The following SNX4 variants were observed in gnomAD, a reference collection of about 807,000 sequenced individuals.
SNX4 encodes sorting nexin 4, also known as sorting nexin-4.
SNX4 carries 49 observed loss-of-function variants against 70.8 expected under a neutral mutation model. The ratio of observed to expected loss-of-function variants is 0.69; its 90% CI spans 0.55 to 0.88. The LOEUF (loss-of-function observed/expected upper bound fraction) is 0.88, where lower values mean the gene tolerates loss of function less well. Ranked by LOEUF, SNX4 falls within the 40% of genes least tolerant of loss-of-function variation. The probability of loss-of-function intolerance (pLI) is 0.00; values close to 1 mark genes in which losing one functional copy is unlikely to be tolerated. For missense variants in SNX4, 528 were observed against 544.8 expected (o/e 0.97, Z 0.31); for synonymous variants, 206 against 183.8 (o/e 1.12, Z -0.98).
chr3:125,471,408 TAAAAA>T (rs1934171688), intron 8 of SNX4, among the ~76,000 whole-genome samples: 2 of 130,444 alleles, frequency 1.5e-5, no homozygotes, highest in Admixed American at 7.7e-5. Context: ...ATTAAAAAAT[TAAAAA>T]TTATAGAATT....
At chr3:125,475,039 A>T (rs926509493) in intron 8 of SNX4, among the ~76,000 whole-genome samples, 55 of 152,156 alleles carry the variant, frequency 3.6e-4, no homozygotes, top group African/African-American at 1.3e-3. Flanking sequence ...TTCCCATTAT[A>T]CTATTCTTTT....
chr3:125,476,939 A>G (rs1030713057), intron 7 of SNX4, among the ~76,000 whole-genome samples, 183 bp from the exon 8 acceptor site: 6 of 152,218 alleles, frequency 3.9e-5, no homozygotes, highest in Admixed American at 6.5e-5. Context: ...CATATTTATC[A>G]TATCTTATAC....
intron 10 of SNX4, among the ~76,000 whole-genome samples, chr3:125,458,224 G>A (rs1559809678): frequency 1.3e-5 from 2 of 149,626 alleles, no homozygotes; most frequent in South Asian, 2.1e-4. Context: ...CCAGGCTGGA[G>A]GGCAATGGTG....
At chr3:125,508,381 C>T (rs571050284) in intron 1 of SNX4, among the ~76,000 whole-genome samples, 174 of 152,192 alleles carry the variant, frequency 1.1e-3, no homozygotes, top group African/African-American at 4.1e-3. Context: ...TCCTGGCTAA[C>T]ACGGTGAAAC....
At chr3:125,519,224 T>C (rs1018145622) in intron 1 of SNX4, among the ~76,000 whole-genome samples, 3 of 152,068 alleles carry the variant, frequency 2.0e-5, no homozygotes, top group Admixed American at 1.3e-4. Context: ...GGTTTCAATA[T>C]AAGCAGGTCT....
At chr3:125,481,459 T>C (rs1287448299) in intron 6 of SNX4, among the ~76,000 whole-genome samples, 1 of 151,890 alleles carries the variant, frequency 6.6e-6, no homozygotes, top group Non-Finnish European at 1.5e-5. Flanking sequence ...TTTTTTTTTT[T>C]TTTTTTGAGA....
At chr3:125,515,294 G>A (rs1051411575) in intron 1 of SNX4, among the ~76,000 whole-genome samples, 5 of 151,894 alleles carry the variant, frequency 3.3e-5, no homozygotes, top group African/African-American at 9.7e-5. Context: ...GAAGGCTGAA[G>A]TGAGCCGAGA....
intron 6 of SNX4, among the ~76,000 whole-genome samples, chr3:125,484,620 A>G (rs532749944): frequency 1.3e-5 from 2 of 152,242 alleles, no homozygotes; most frequent in East Asian, 3.9e-4. Context: ...TCCTAATCAG[A>G]TGTCATCCAT....
intron 1 of SNX4, among the ~76,000 whole-genome samples, chr3:125,506,794 C>A (rs1460334149): frequency 1.5e-5 from 1 of 68,642 alleles, no homozygotes; most frequent in African/African-American, 5.1e-5. Flanking sequence ...GCTCAGAGAA[C>A]TTAAAGAAAG....
At chr3:125,515,778 T>C (rs1044101122) in intron 1 of SNX4, among the ~76,000 whole-genome samples, 1 of 151,934 alleles carries the variant, frequency 6.6e-6, no homozygotes, top group Non-Finnish European at 1.5e-5. Context: ...CTGGGTGCTG[T>C]GGCTCACTCT....
chr3:125,500,799 C>CAAA (rs770336677), intron 2 of SNX4, among the ~76,000 whole-genome samples: 23 of 29,314 alleles, frequency 7.8e-4, no homozygotes, highest in African/African-American at 1.9e-3. Flanking sequence ...GACTCCGTCT[C>CAAA]AAAAAAAAAA....
At chr3:125,457,996 C>T (rs1180230479) in intron 10 of SNX4, among the ~76,000 whole-genome samples, 2 of 151,976 alleles carry the variant, frequency 1.3e-5, no homozygotes, top group African/African-American at 2.4e-5. Flanking sequence ...GTGAGAACTA[C>T]ATACATAATG....
At chr3:125,513,279 C>G (rs2107573875) in intron 1 of SNX4, among the ~76,000 whole-genome samples, 1 of 152,258 alleles carries the variant, frequency 6.6e-6, no homozygotes, top group South Asian at 2.1e-4. Context: ...GCAGCCCTCA[C>G]CAGTCACTGA....
chr3:125,468,188 A>T lies in SNX4; in HGVS notation c.854+1266T>A, dbSNP rs576904609. On this transcript the variant is annotated intron_variant, in intron 9 of 13. Coordinates refer to ENST00000251775, the MANE Select transcript of SNX4 (RefSeq NM_003794.4). The stretch of plus-strand genomic sequence containing the variant: ...ATTCTCATTTATAAGTGGGAGTTAA[A>T]CATTCAGTACACGTGGATTACAAAG... Among the ~76,000 whole-genome samples, 17 of 152,328 alleles carry T rather than the reference A, an allele frequency of 1.1e-4. No homozygotes were observed. The South Asian group carries it at 3.3e-3, about 30-fold the overall frequency.
At chr3:125,462,593 CAAAAAAAAAAAA>C (rs34157775) in intron 9 of SNX4, among the ~76,000 whole-genome samples, 1 of 48,260 alleles carries the variant, frequency 2.1e-5, no homozygotes, top group Non-Finnish European at 3.9e-5. Context: ...TCTGTCTCAC[CAAAAAAAAAAAA>C]AAAAAAAAAA....
intron 2 of SNX4, among the ~76,000 whole-genome samples, chr3:125,499,265 T>C (rs116685800): frequency 6.6e-5 from 10 of 152,196 alleles, no homozygotes; most frequent in African/African-American, 2.4e-4. Flanking sequence ...TATCAGGACC[T>C]TGCTATTTTC....
intron 9 of SNX4, among the ~76,000 whole-genome samples, chr3:125,464,564 C>CTTTTTTTTTTT (rs778518316): frequency 4.5e-5 from 3 of 67,056 alleles, no homozygotes; most frequent in African/African-American, 6.7e-5. Context: ...ATTTATCTTT[C>CTTTTTTTTTTT]TTTTTTTTTT....
chr3:125,448,902 C>G (rs1276699960), intron 13 of SNX4, among the ~76,000 whole-genome samples: 1 of 151,778 alleles, frequency 6.6e-6, no homozygotes, highest in Non-Finnish European at 1.5e-5. Flanking sequence ...TGGTGTCGAT[C>G]TCCTGACCTC....
intron 11 of SNX4, among the ~76,000 whole-genome samples, chr3:125,457,056 T>C (rs1360502818): frequency 1.3e-5 from 2 of 152,074 alleles, no homozygotes; most frequent in African/African-American, 4.8e-5. Flanking sequence ...CAGTACATGG[T>C]TTTAATGGCT....
Sources: allele counts gnomAD v4.1 joint callset (sites outside exome capture counted in the v4.1 genomes callset), GRCh38; gene constraint gnomAD v4.1.1; transcripts MANE v1.5; gene names NCBI Gene and HGNC (gene_info 2026-07-23, HGNC 2026-07-21).